The following ANO7 variants were observed in gnomAD, a reference collection of about 807,000 sequenced individuals.
ANO7 encodes anoctamin-7.
Under a neutral mutation model 115.8 loss-of-function variants are expected in ANO7, and 114 were observed. The observed-to-expected ratio is 0.98, with a 90% CI of 0.85 to 1.15. The LOEUF (loss-of-function observed/expected upper bound fraction) is 1.15. ANO7 is among the 50% of genes most tolerant of loss of function. ANO7 has a pLI of 0.00. For synonymous variants in ANO7, 550 were observed against 498.2 expected, an observed-to-expected ratio of 1.10 and a Z score of -1.38; for missense variants, 1,302 against 1,201.2, an observed-to-expected ratio of 1.08 and a Z score of -1.24.
chr2:241,229,555 TG>T, downstream of ANO7: 1 of 1,384,838 alleles, frequency 7.2e-7, no homozygotes. Context: ...ATTGTGTGGT[TG>T]GGTTTGGGTC....
In ANO7 at chr2:241,223,295, G is replaced by A; in HGVS notation, c.2412+19G>A. 2.5e-6 allele frequency: 4 copies of A among 1,613,758 alleles called. No homozygotes were observed. The highest frequency in any genetic ancestry group is 3.4e-6 in the Non-Finnish European group (4 of 1,179,598). On this transcript the variant is annotated intron_variant, in intron 22 of 24. Transcript: ENST00000674324. ...GTTTGAGGTAGCCGAGGCACCTGCT[G>A]GTTCTCCCATCCATGGCATGAGGCC... is the stretch of plus-strand genomic sequence containing the variant.
At chr2:241,231,635 C>G in the ANO7 span, among the ~76,000 whole-genome samples, 64 of 149,952 alleles carry the variant, frequency 4.3e-4, no homozygotes, top group African/African-American at 1.4e-3. Context: ...CATCTTTGTG[C>G]TGGAGGCTGG....
At chr2:241,193,679 A>G (rs1319860875) in intron 3 of ANO7, among the ~76,000 whole-genome samples, 1 of 152,222 alleles carries the variant, frequency 6.6e-6, no homozygotes, top group East Asian at 1.9e-4. Flanking sequence ...TTGTCTATCC[A>G]TAATCATGCT....
At chr2:241,201,402 T>C (rs1348194702) in intron 7 of ANO7, 47 bp downstream of exon 7, 1 of 1,587,538 alleles carries the variant, frequency 6.3e-7, no homozygotes. Flanking sequence ...GACCTGGCTC[T>C]GAGGATCCTG....
rs1010673297 is a variant in ANO7 at position 241,209,547 on chromosome 2, A to C, written c.1271A>C (p.Asn424Thr). 1.3e-6 allele frequency: 2 copies of C among 1,596,036 alleles called. No individual in the cohort carries two copies. Among genetic ancestry groups the C allele is most frequent in the Non-Finnish European group, 8.5e-7 (1 of 1,172,310 alleles). Residue 424 changes from asparagine (N) to threonine (T), a missense_variant, in exon 13 of 25, where the codon AAC becomes ACC. Coordinates refer to ENST00000674324, the MANE Select transcript of ANO7 (RefSeq NM_001370694.2). ...GCCTCAGCCCCCATGACAGCCCCGA[A>C]CCCCATCACGGGTGAGGACGAGCCC... ...FAASAPMTAP[N>T]PITGEDEPYF...
chr2:241,189,974 T>G, intron 1 of ANO7, 83 bp from the exon 2 acceptor site: 2 of 1,082,996 alleles, frequency 1.8e-6, no homozygotes, highest in Non-Finnish European at 2.7e-6. Context: ...GTGAGCTCAC[T>G]GCAGGCAGTG....
chr2:241,218,493 G>C, intron 21 of ANO7, 112 bp downstream of exon 21: 1 of 1,025,116 alleles, frequency 9.8e-7, no homozygotes, highest in Non-Finnish European at 1.2e-6. Context: ...GGGCGCCGCC[G>C]GGCAAGGCCG....
intron 17 of ANO7, among the ~76,000 whole-genome samples, chr2:241,214,041 C>A (rs2068769792): frequency 6.6e-6 from 1 of 152,098 alleles, no homozygotes; most frequent in African/African-American, 2.4e-5. Context: ...AATCCCAGCA[C>A]TTTGGGAGGC....
chr2:241,195,596 A>G, intron 3 of ANO7, 107 bp from the exon 4 acceptor site: 1 of 1,099,008 alleles, frequency 9.1e-7, no homozygotes, highest in Non-Finnish European at 1.3e-6. Context: ...CTGAGTGTCC[A>G]AGTGCATGGC....
downstream of ANO7, chr2:241,230,752 G>A (rs200364080): frequency 1.3e-4 from 214 of 1,612,950 alleles, no homozygotes; most frequent in Middle Eastern, 1.6e-3. This position sits in a 1 kb window ranked among gnomAD's most constrained non-coding sequence, Gnocchi z 5.0. Flanking sequence ...GCTTCCAGCC[G>A]GCTCACCTTG....
chr2:241,223,856 G>A, intron 23 of ANO7, 49 bp from the exon 24 acceptor site: 2 of 1,614,040 alleles, frequency 1.2e-6, no homozygotes. Context: ...TCTACCTCCG[G>A]ACACTGAGTC....
At chr2:241,234,993 G>T in the ANO7 span, 1 of 1,121,972 alleles carries the variant, frequency 8.9e-7, no homozygotes, top group Non-Finnish European at 1.3e-6. Context: ...TCCTGGCACT[G>T]CCTGCATCTC....
rs2069151340 is a variant in ANO7, at chr2:241,225,793, GAC to G, written c.*1643_*1644del. Reference sequence around the variant, plus strand: ...GCAGGCTCACAGCGCCCTGGGGCTGGACACCACCGGCCGGAGCATGGCGGACA... The same window carrying G: ...GCAGGCTCACAGCGCCCTGGGGCTGGACCACCGGCCGGAGCATGGCGGACA... On this transcript the variant is annotated 3_prime_UTR_variant, in exon 25 of 25. Transcript: ENST00000674324. 6.6e-6 allele frequency among the ~76,000 whole-genome samples: 1 copy of G among 152,156 alleles called. No individual in the cohort carries two copies. The highest frequency in any genetic ancestry group is 2.1e-4 in the South Asian group (1 of 4,830).
intron 10 of ANO7, among the ~76,000 whole-genome samples, chr2:241,205,701 C>A (rs1308357437): frequency 5.4e-5 from 5 of 92,216 alleles, no homozygotes; most frequent in African/African-American, 2.3e-4. Flanking sequence ...CACAGGTGGA[C>A]AGGAGTGTTC....
At chr2:241,236,402 T>C in the ANO7 span, 3 of 587,278 alleles carry the variant, frequency 5.1e-6, no homozygotes, top group Admixed American at 3.1e-5. Context: ...AAAGGGGCTA[T>C]AGAACCCCGA....
intron 19 of ANO7, 181 bp from the exon 20 acceptor site, chr2:241,217,505 G>A (rs1291700386): frequency 1.5e-6 from 1 of 681,886 alleles, no homozygotes; most frequent in Non-Finnish European, 2.4e-6. Context: ...CCTGAGGCCG[G>A]TCAGGAGAGG....
At position 241,218,367 on chromosome 2, in the gene ANO7, C is replaced by A; in HGVS notation, c.2307C>A (p.His769Gln). The A allele has an allele frequency of 6.9e-7, 1 of 1,458,230 alleles. No individual in the cohort carries two copies. Among genetic ancestry groups the A allele is most frequent in the Non-Finnish European group, 9.0e-7 (1 of 1,106,660 alleles). 90.3% of individuals were successfully genotyped at this position (1,458,230 alleles called of 1,614,324 possible). Residue 769 changes from histidine to glutamine, a missense_variant, in exon 21 of 25, where the codon CAC becomes CAA. His to Gln is a conservative substitution (Grantham distance 24). Coordinates refer to ENST00000674324, the MANE Select transcript of ANO7 (RefSeq NM_001370694.2). The part of the protein sequence containing the change: ...ARAPSSFAAA[H>Q]NRTCRYRAFR... ...CCCCGTCCTCCTTCGCCGCCGCGCA[C>A]AACCGCACGTGCAGGTGAGCCCCGC...
chr2:241,225,795 CA>C lies in ANO7; in HGVS notation c.*1643del, dbSNP rs2069151412. On this transcript the variant is annotated 3_prime_UTR_variant, in exon 25 of 25. Transcript: ENST00000674324. ...AGGCTCACAGCGCCCTGGGGCTGGA[CA>C]CCACCGGCCGGAGCATGGCGGACAG... is the stretch of plus-strand genomic sequence containing the variant. Among the ~76,000 whole-genome samples, 1 of 152,160 alleles carries C rather than the reference CA, an allele frequency of 6.6e-6. No individual in the cohort carries two copies. The highest frequency in any genetic ancestry group is 2.4e-5 in the African/African-American group (1 of 41,446).
chr2:241,234,515 A>C, the ANO7 span, among the ~76,000 whole-genome samples: 1 of 152,152 alleles, frequency 6.6e-6, no homozygotes, highest in East Asian at 1.9e-4. Flanking sequence ...TGCTCACGGG[A>C]GGAGTGGAAA....
Sources: allele counts gnomAD v4.1 joint callset (sites outside exome capture counted in the v4.1 genomes callset), GRCh38; gene constraint gnomAD v4.1.1; non-coding constraint Gnocchi (gnomAD v3.1); transcripts MANE v1.5; gene names NCBI Gene and HGNC (gene_info 2026-07-23, HGNC 2026-07-21).